The following TYW1 variants were observed in gnomAD, a reference collection of about 807,000 sequenced individuals.
The protein encoded by TYW1 is tRNA-yW synthesizing protein 1 homolog, also known as S-adenosyl-L-methionine-dependent tRNA 4-demethylwyosine synthase TYW1.
In TYW1, 46 loss-of-function variants were observed where a neutral mutation model predicts 96.2. That is an observed-to-expected ratio of 0.48 (90% confidence interval 0.38 to 0.61). TYW1 has a LOEUF of 0.61. TYW1 is among the 20% of genes least tolerant of loss of function. The probability of loss-of-function intolerance (pLI) is 0.00; values close to 1 mark genes in which losing one functional copy is unlikely to be tolerated. For synonymous variants in TYW1, 274 were observed against 323.0 expected (o/e 0.85, Z 1.63); for missense variants, 684 against 909.6 (o/e 0.75, Z 3.19).
chr7:67,123,381 G>T (rs1797818374), intron 13 of TYW1, among the ~76,000 whole-genome samples: 1 of 152,182 alleles, frequency 6.6e-6, no homozygotes, highest in East Asian at 1.9e-4. Context: ...AGACTGCTGT[G>T]CTTGATTTGT....
At chr7:67,222,094 G>A (rs138786392) in intron 15 of TYW1, among the ~76,000 whole-genome samples, 8 of 152,214 alleles carry the variant, frequency 5.3e-5, no homozygotes, top group African/African-American at 1.7e-4. Flanking sequence ...ATACTCGGGA[G>A]GCTGAGGCAC....
chr7:67,143,056 A>G (rs79374579), intron 13 of TYW1, among the ~76,000 whole-genome samples: 15 of 148,762 alleles, frequency 1.0e-4, no homozygotes, highest in Non-Finnish European at 1.5e-4. Flanking sequence ...CTCCATCTCA[A>G]AAAAAAAAAA....
At chr7:67,091,161 A>G (rs915701490) in intron 11 of TYW1, among the ~76,000 whole-genome samples, 33 of 151,916 alleles carry the variant, frequency 2.2e-4, no homozygotes, top group African/African-American at 8.0e-4. Flanking sequence ...CTTGGAACCA[A>G]CCCAAGTGTC....
At chr7:67,107,317 T>C (rs1463386377) in intron 12 of TYW1, among the ~76,000 whole-genome samples, 1 of 152,236 alleles carries the variant, frequency 6.6e-6, no homozygotes, top group Non-Finnish European at 1.5e-5. Context: ...ATACTTTCAA[T>C]AGAAGTTCCC....
chr7:67,133,877 A>C (rs1798164822), intron 13 of TYW1, among the ~76,000 whole-genome samples: 1 of 150,888 alleles, frequency 6.6e-6, no homozygotes, highest in Non-Finnish European at 1.5e-5. Context: ...CTCTATGTTG[A>C]TATGGTTTGT....
chr7:67,027,187 G>A (rs1295795169), intron 7 of TYW1, among the ~76,000 whole-genome samples: 1 of 151,052 alleles, frequency 6.6e-6, no homozygotes, highest in Non-Finnish European at 1.5e-5. Context: ...ATGACATTGT[G>A]AGACCTTGTT....
intron 9 of TYW1, among the ~76,000 whole-genome samples, chr7:67,066,058 C>T (rs1795859454): frequency 1.3e-5 from 2 of 151,792 alleles, no homozygotes; most frequent in Admixed American, 6.6e-5. Context: ...CGTGTAAAGG[C>T]TACTCATTCG....
chr7:67,160,558 A>G (rs1799129604), intron 13 of TYW1, among the ~76,000 whole-genome samples: 1 of 113,000 alleles, frequency 8.8e-6, no homozygotes, highest in Admixed American at 8.6e-5. Flanking sequence ...ATACATATAC[A>G]TATACATATA....
At chr7:67,164,673 G>A (rs1262225837) in intron 13 of TYW1, among the ~76,000 whole-genome samples, 5 of 139,714 alleles carry the variant, frequency 3.6e-5, no homozygotes, top group Admixed American at 2.8e-4. Flanking sequence ...ATTCTCAATG[G>A]GAACGAGGTA....
intron 9 of TYW1, among the ~76,000 whole-genome samples, chr7:67,060,695 A>G (rs1388956249): frequency 6.6e-6 from 1 of 152,250 alleles, no homozygotes; most frequent in East Asian, 1.9e-4. Context: ...GCTATTGATT[A>G]TAAAATTTCA....
chr7:67,220,898 C>T (rs1584713210), intron 15 of TYW1, among the ~76,000 whole-genome samples: 1 of 151,962 alleles, frequency 6.6e-6, no homozygotes, highest in Admixed American at 6.6e-5. Context: ...CCACCATGCC[C>T]AGCTAATTTT....
intron 8 of TYW1, among the ~76,000 whole-genome samples, chr7:67,053,742 C>T (rs1307659184): frequency 1.3e-5 from 2 of 152,150 alleles, no homozygotes; most frequent in African/African-American, 4.8e-5. Flanking sequence ...CTCTAAATGT[C>T]TAGTCTTCCA....
At chr7:67,040,940 T>C (rs1795000682) in intron 7 of TYW1, among the ~76,000 whole-genome samples, 1 of 152,218 alleles carries the variant, frequency 6.6e-6, no homozygotes, top group Non-Finnish European at 1.5e-5. Context: ...TTTTTCATCT[T>C]ATGGCCATTA....
intron 4 of TYW1, among the ~76,000 whole-genome samples, chr7:67,011,812 G>A (rs764516677): frequency 4.0e-5 from 6 of 151,158 alleles, no homozygotes; most frequent in Non-Finnish European, 7.4e-5. Flanking sequence ...GGCGGAGGTC[G>A]CAGTGAGCCA....
At chr7:67,031,909 G>GTA (rs1019201223) in intron 7 of TYW1, among the ~76,000 whole-genome samples, 9 of 152,186 alleles carry the variant, frequency 5.9e-5, no homozygotes, top group Admixed American at 6.6e-5. Flanking sequence ...CTGATATGAT[G>GTA]TATAGCAAGA....
At chr7:67,132,407 G>A (rs1798108466) in intron 13 of TYW1, among the ~76,000 whole-genome samples, 2 of 152,086 alleles carry the variant, frequency 1.3e-5, no homozygotes, top group Admixed American at 1.3e-4. Context: ...ACTGCTCCTG[G>A]CCTATCATTC....
chr7:67,153,921 CTTTCTTT>C (rs1484936555), intron 13 of TYW1, among the ~76,000 whole-genome samples: 184 of 121,906 alleles, frequency 1.5e-3, no homozygotes, highest in African/African-American at 5.4e-3. Flanking sequence ...ATTTTAACGA[CTTTCTTT>C]TTTTTTTTTT....
At chr7:67,202,469 TC>T (rs1267943214) in intron 15 of TYW1, among the ~76,000 whole-genome samples, 1 of 152,180 alleles carries the variant, frequency 6.6e-6, no homozygotes, top group East Asian at 1.9e-4. Flanking sequence ...TGAACATGGC[TC>T]ATTGCAACCT....
At chr7:67,065,088 A>G (rs997032075) in intron 9 of TYW1, among the ~76,000 whole-genome samples, 8 of 152,142 alleles carry the variant, frequency 5.3e-5, no homozygotes, top group African/African-American at 1.7e-4. Flanking sequence ...TTTGGACCGC[A>G]CACCTCTGGG....
Sources: gnomAD v4.1 joint callset for allele counts (sites outside exome capture counted in the v4.1 genomes callset) on GRCh38, gnomAD v4.1.1 for gene constraint, MANE v1.5 for transcripts, NCBI Gene and HGNC (gene_info 2026-07-23, HGNC 2026-07-21) for gene names.